CDH18: variants seen among roughly 807,000 people sequenced by gnomAD.
CDH18 encodes cadherin 18.
In CDH18, 31 loss-of-function variants were observed where a neutral mutation model predicts 67.9. The ratio of observed to expected loss-of-function variants is 0.46; its 90% CI spans 0.34 to 0.62. The LOEUF is 0.62. Ranked by LOEUF, CDH18 falls within the 20% of genes least tolerant of loss-of-function variation. The pLI is 0.01. For missense variants in CDH18, 890 were observed against 975.5 expected, an observed-to-expected ratio of 0.91 and a Z score of 1.17; for synonymous variants, 362 against 347.2, an observed-to-expected ratio of 1.04 and a Z score of -0.48.
At chr5:19,478,817 G>C (rs1255899905) in intron 12 of CDH18, among the ~76,000 whole-genome samples, 1 of 152,182 alleles carries the variant, frequency 6.6e-6, no homozygotes, top group Non-Finnish European at 1.5e-5. Context: ...GCCTCTGGGA[G>C]GGAGAGAGGA....
chr5:19,649,859 G>C lies in CDH18; in HGVS notation c.644-37258C>G, dbSNP rs6898918. On this transcript the variant is annotated intron_variant, in intron 5 of 12. Transcript: ENST00000382275. ...CACCTAACTTTTTTTCTACAGAATG[G>C]GTCAAGGAATTTTAGAATTTTTATG... Among the ~76,000 whole-genome samples, 405 of 151,616 alleles carry C rather than the reference G, an allele frequency of 2.7e-3. 1 individual carries two copies. The highest frequency in any genetic ancestry group is 9.3e-3 in the African/African-American group (385 of 41,396).
At chr5:19,932,511 A>G (rs369149682) in intron 2 of CDH18, among the ~76,000 whole-genome samples, 23 of 151,516 alleles carry the variant, frequency 1.5e-4, no homozygotes, top group African/African-American at 5.6e-4. Context: ...CAACAGTACA[A>G]TGGTCATCCA....
At chr5:19,608,103 T>C (rs914187187) in intron 6 of CDH18, among the ~76,000 whole-genome samples, 3 of 151,604 alleles carry the variant, frequency 2.0e-5, no homozygotes, top group African/African-American at 7.3e-5. Context: ...GAGCAAAAAT[T>C]CTATAAGGAT....
At chr5:20,244,693 C>G (rs1743240380) in intron 2 of CDH18, among the ~76,000 whole-genome samples, 1 of 152,032 alleles carries the variant, frequency 6.6e-6, no homozygotes, top group Non-Finnish European at 1.5e-5. Flanking sequence ...GTTGTCTTGA[C>G]AGTTTATGAT....
intron 5 of CDH18, among the ~76,000 whole-genome samples, chr5:19,649,091 T>C: frequency 6.6e-6 from 1 of 152,144 alleles, no homozygotes; most frequent in Middle Eastern, 3.2e-3. Flanking sequence ...AAAAATCAAT[T>C]GCTCAGGCCT....
At chr5:20,526,744 C>A (rs1287862681) in intron 1 of CDH18, among the ~76,000 whole-genome samples, 1 of 152,054 alleles carries the variant, frequency 6.6e-6, no homozygotes, top group Non-Finnish European at 1.5e-5. Flanking sequence ...CACGAAAATG[C>A]CATCCAAAGG....
rs533579423 is a variant in CDH18, at chr5:20,127,478, C to A, written c.-518+127966G>T. The stretch of plus-strand genomic sequence containing the variant: ...TGGATGAATGGAAATAGAAAATATG[C>A]TATATACAACAATGAAATCTCATTC... On this transcript the variant is annotated intron_variant, in intron 2 of 14. Coordinates refer to the CDH18 transcript ENST00000507958. Among the ~76,000 whole-genome samples the A allele has an allele frequency of 5.2e-4, 79 of 151,988 alleles. 1 individual carries two copies. Among genetic ancestry groups the A allele is most frequent in the African/African-American group, 1.7e-3 (69 of 41,420 alleles).
intron 2 of CDH18, among the ~76,000 whole-genome samples, chr5:20,056,090 T>A (rs1254922656): frequency 6.9e-6 from 1 of 145,742 alleles, no homozygotes; most frequent in Admixed American, 7.0e-5. Context: ...CTATAACCTC[T>A]GCCTCCTAGG....
At chr5:20,564,874 T>C (rs1446506905) in intron 1 of CDH18, among the ~76,000 whole-genome samples, 1 of 152,160 alleles carries the variant, frequency 6.6e-6, no homozygotes, top group African/African-American at 2.4e-5. Context: ...AATTATGATG[T>C]AGTTTAACAA....
chr5:20,062,843 G>C lies in CDH18; in HGVS notation c.-517-70829C>G, dbSNP rs1421240712. Among the ~76,000 whole-genome samples the C allele has an allele frequency of 2.6e-5, 4 of 152,154 alleles. No homozygotes were observed. The South Asian group carries it at 8.3e-4, about 32-fold the overall frequency. ...GTCCTTTTCAAGCTATAACATAATA[G>C]CTAAGAACATTCCAGAAGGAAATGC... On this transcript the variant is annotated intron_variant, in intron 2 of 14. Transcript: ENST00000507958.
intron 2 of CDH18, among the ~76,000 whole-genome samples, chr5:19,972,097 G>T (rs1448940985): frequency 6.6e-6 from 1 of 151,980 alleles, no homozygotes; most frequent in Non-Finnish European, 1.5e-5. Flanking sequence ...TCTTTTGGTG[G>T]TGGCATTATC....
chr5:19,618,448 C>CA (rs1453100792), intron 5 of CDH18, among the ~76,000 whole-genome samples: 2 of 152,118 alleles, frequency 1.3e-5, no homozygotes, highest in Non-Finnish European at 2.9e-5. Context: ...TCAAATGATC[C>CA]ACCCACTTTG....
chr5:20,493,626 G>A (rs1753725341), intron 1 of CDH18, among the ~76,000 whole-genome samples: 1 of 151,998 alleles, frequency 6.6e-6, no homozygotes, highest in Admixed American at 6.6e-5. Flanking sequence ...GGAATTCTGG[G>A]GGCAGCTAAC....
chr5:19,697,699 A>G (rs1461462157), intron 5 of CDH18, among the ~76,000 whole-genome samples: 1 of 152,224 alleles, frequency 6.6e-6, no homozygotes, highest in Non-Finnish European at 1.5e-5. Flanking sequence ...GGAATAAGTG[A>G]ATAAAAAACA....
chr5:19,995,424 G>A lies in CDH18; in HGVS notation c.-517-3410C>T, dbSNP rs565895409. Among the ~76,000 whole-genome samples the A allele has an allele frequency of 3.3e-5, 5 of 151,900 alleles. No homozygotes were observed. In the East Asian group the frequency reaches 9.8e-4, roughly 30 times the overall value. On this transcript the variant is annotated intron_variant, in intron 2 of 14. Transcript: ENST00000507958. ...TATCTGGTACAATAAATGTCTTAAT[G>A]CAGCTAGGTAAAATATACATAACTC...
chr5:20,448,912 C>T (rs545888956), intron 1 of CDH18, among the ~76,000 whole-genome samples: 28 of 152,134 alleles, frequency 1.8e-4, no homozygotes, highest in South Asian at 1.7e-3. Flanking sequence ...TTAGATATCA[C>T]GTCTGGAACT....
At chr5:20,195,743 T>A (rs1738923092) in intron 2 of CDH18, among the ~76,000 whole-genome samples, 1 of 152,120 alleles carries the variant, frequency 6.6e-6, no homozygotes, top group Non-Finnish European at 1.5e-5. Flanking sequence ...GCAATTCAAA[T>A]AATTTGACAA....
chr5:20,296,497 G>C (rs1014733059), intron 1 of CDH18, among the ~76,000 whole-genome samples: 5 of 151,812 alleles, frequency 3.3e-5, no homozygotes. Flanking sequence ...TCCTGACCTC[G>C]TGATCTGCCC....
At chr5:19,890,601 T>TA (rs1788683504) in intron 2 of CDH18, among the ~76,000 whole-genome samples, 1 of 134,138 alleles carries the variant, frequency 7.5e-6, no homozygotes. Flanking sequence ...AACACCATTT[T>TA]TTTTTTTTTT....
Sources: allele counts gnomAD v4.1 joint callset (sites outside exome capture counted in the v4.1 genomes callset), GRCh38; gene constraint gnomAD v4.1.1; transcripts MANE v1.5; gene names NCBI Gene and HGNC (gene_info 2026-07-23, HGNC 2026-07-21).